UGGT1: variants seen among roughly 807,000 people sequenced by gnomAD.
UGGT1 encodes the protein UDP-glucose:glycoprotein glucosyltransferase 1.
Under a neutral mutation model 203.9 loss-of-function variants are expected in UGGT1, and 107 were observed. The observed-to-expected ratio is 0.52, with a 90% CI of 0.45 to 0.62. The LOEUF (loss-of-function observed/expected upper bound fraction) is 0.62. Among genes scored for constraint, UGGT1 ranks in the 20% least tolerant of loss-of-function variants. The pLI is 0.00. For synonymous variants in UGGT1, 628 were observed against 653.5 expected, an observed-to-expected ratio of 0.96 and a Z score of 0.59; for missense variants, 1,673 against 1,867.2, an observed-to-expected ratio of 0.90 and a Z score of 1.92.
chr2:128,134,849 A>C, intron 14 of UGGT1, 27 bp from the exon 15 acceptor site: 2 of 1,599,096 alleles, frequency 1.3e-6, no homozygotes, highest in Non-Finnish European at 1.7e-6. Context: ...ATGTCATTTC[A>C]TGTGTTCTTT....
chr2:128,133,269 A>C lies in UGGT1; in HGVS notation c.1497+9A>C, dbSNP rs1558779697. On this transcript the variant is annotated intron_variant, in intron 14 of 40. Coordinates refer to ENST00000259253, the MANE Select transcript of UGGT1 (RefSeq NM_020120.4). Reference sequence around the variant, plus strand: ...AAAACTTACATAATATGGTAAGTAAAACTTATTGTCTGGCTGTGAACTCTG... The same window carrying C: ...AAAACTTACATAATATGGTAAGTAACACTTATTGTCTGGCTGTGAACTCTG... 6.2e-7 allele frequency: 1 copy of C among 1,610,874 alleles called. No homozygotes were observed. Among genetic ancestry groups the C allele is most frequent in the Non-Finnish European group, 8.5e-7 (1 of 1,179,010 alleles).
chr2:128,135,018 T>C (rs964367540), intron 15 of UGGT1, 57 bp downstream of exon 15: 1 of 1,455,232 alleles, frequency 6.9e-7, no homozygotes, highest in African/African-American at 1.4e-5. Flanking sequence ...TTATTTGTCA[T>C]TTTTAAATGC....
intron 2 of UGGT1, among the ~76,000 whole-genome samples, chr2:128,099,257 C>T (rs1687257622): frequency 6.6e-6 from 1 of 152,106 alleles, no homozygotes; most frequent in Non-Finnish European, 1.5e-5. Flanking sequence ...CATCCTCCCA[C>T]CTAGGCCTCC....
At chr2:128,108,670 C>G (rs1346666752) in intron 4 of UGGT1, among the ~76,000 whole-genome samples, 3 of 28,112 alleles carry the variant, frequency 1.1e-4, no homozygotes, top group Admixed American at 5.0e-4. Flanking sequence ...TGGAAAAACT[C>G]CTCACAAAAA....
Position 128,145,971 on chromosome 2 carries a change from A to G in UGGT1, c.2016+4A>G, listed in dbSNP as rs1298506173. On this transcript the variant is annotated splice_donor_region_variant and intron_variant, in intron 18 of 40. Coordinates refer to ENST00000259253, the MANE Select transcript of UGGT1 (RefSeq NM_020120.4). ...CTTCCAAAGAGCGGTGTACTTGGTG[A>G]GTCACGTTTCAAGGCTGATTTTTTA... 15 of 1,613,724 alleles carry G rather than the reference A, an allele frequency of 9.3e-6. No homozygotes were observed. The highest frequency in any genetic ancestry group is 1.1e-5 in the Non-Finnish European group (13 of 1,179,964).
At chr2:128,183,937 T>TGTGTGTGTGTGAGA (rs151153786) in intron 38 of UGGT1, 148 bp downstream of exon 38, 201 of 328,492 alleles carry the variant, frequency 6.1e-4, no homozygotes, top group Middle Eastern at 2.3e-3. Context: ...TGTGTGTGTG[T>TGTGTGTGTGTGAGA]GAGAGAGAGA....
chr2:128,172,851 T>A, intron 29 of UGGT1, 89 bp downstream of exon 29: 1 of 1,207,318 alleles, frequency 8.3e-7, no homozygotes, highest in South Asian at 1.5e-5. Context: ...GAGACATCAG[T>A]GTTCAGGTAT....
rs1382711586 is a variant in UGGT1, at chr2:128,189,886, A to C, written c.*144A>C. 2.3e-6 allele frequency: 2 copies of C among 858,592 alleles called. No homozygotes were observed. Among genetic ancestry groups the C allele is most frequent in the Non-Finnish European group, 3.6e-6 (2 of 552,512 alleles). The allele number at this position is 858,592 out of a possible 1,614,324, so 53.2% of individuals were successfully genotyped here. ...TTTTGATTCTGAGCATTTGATTCTG[A>C]CTTCTGTACTCTGGTGGCCACTGGA... is the stretch of plus-strand genomic sequence containing the variant. On this transcript the variant is annotated 3_prime_UTR_variant, in exon 41 of 41. Transcript: ENST00000259253.
intron 38 of UGGT1, 112 bp from the exon 39 acceptor site, chr2:128,186,571 C>G (rs987500206): frequency 1.3e-6 from 1 of 769,426 alleles, no homozygotes; most frequent in East Asian, 3.0e-5. Context: ...CGTACTACTG[C>G]ACTCCAACCT....
intron 22 of UGGT1, 127 bp from the exon 23 acceptor site, chr2:128,159,387 C>G (rs1389559228): frequency 1.1e-6 from 1 of 892,358 alleles, no homozygotes; most frequent in Non-Finnish European, 1.7e-6. Context: ...GCATGAGCCA[C>G]TGCGCCCGGC....
chr2:128,136,563 A>G (rs577150320), intron 15 of UGGT1, among the ~76,000 whole-genome samples: 1 of 152,270 alleles, frequency 6.6e-6, no homozygotes, highest in South Asian at 2.1e-4. Context: ...TTATCACTGG[A>G]TAATAGTCAT....
At chr2:128,183,954 G>A (rs1168398245) in intron 38 of UGGT1, among the ~76,000 whole-genome samples, 165 bp downstream of exon 38, 1 of 151,798 alleles carries the variant, frequency 6.6e-6, no homozygotes, top group Non-Finnish European at 1.5e-5. Flanking sequence ...GAGAGAGAGA[G>A]AGAGAGATTT....
At position 128,182,096 on chromosome 2, in the gene UGGT1, G is replaced by T. The variant is rs761482761; in HGVS notation, c.4084-34G>T. 8.1e-6 allele frequency: 13 copies of T among 1,605,292 alleles called. No homozygotes were observed. In the South Asian group the frequency reaches 1.2e-4, roughly 15 times the overall value. ...GAAACCGCATTAGAGCTGTCTGCAT[G>T]GTTGCTTAACAAATGACTTTTTATA... On this transcript the variant is annotated intron_variant, in intron 36 of 40. Transcript: ENST00000259253.
intron 38 of UGGT1, among the ~76,000 whole-genome samples, chr2:128,184,080 G>A (rs1356893560): frequency 2.0e-5 from 3 of 152,194 alleles, no homozygotes; most frequent in Admixed American, 6.5e-5. Context: ...TTTGTATTTT[G>A]TACTCAAACT....
chr2:128,112,864 T>C (rs1477172547), intron 5 of UGGT1, among the ~76,000 whole-genome samples: 6 of 152,140 alleles, frequency 3.9e-5, no homozygotes, highest in African/African-American at 1.4e-4. Context: ...ATAGTTAGTA[T>C]TTTTTATAAT....
chr2:128,175,198 C>T (rs1691312379), intron 31 of UGGT1, among the ~76,000 whole-genome samples: 1 of 152,090 alleles, frequency 6.6e-6, no homozygotes, highest in African/African-American at 2.4e-5. Context: ...GAAAGAACAG[C>T]CACACTTTTC....
intron 8 of UGGT1, among the ~76,000 whole-genome samples, chr2:128,116,546 A>G (rs1688110329): frequency 6.6e-6 from 1 of 150,922 alleles, no homozygotes; most frequent in South Asian, 2.1e-4. Flanking sequence ...TTTTTTTTGG[A>G]GACAGGGTCT....
chr2:128,143,715 A>G (rs1689548387), intron 17 of UGGT1, among the ~76,000 whole-genome samples: 1 of 152,166 alleles, frequency 6.6e-6, no homozygotes, highest in Non-Finnish European at 1.5e-5. Flanking sequence ...CAAACAGGTC[A>G]TATTATTTAT....
At chr2:128,155,438 A>G in intron 19 of UGGT1, 51 bp from the exon 20 acceptor site, 1 of 1,343,882 alleles carries the variant, frequency 7.4e-7, no homozygotes, top group Non-Finnish European at 1.1e-6. Flanking sequence ...TTGAATATTA[A>G]GAATAGATTG....
Sources: gnomAD v4.1 joint callset for allele counts (sites outside exome capture counted in the v4.1 genomes callset) on GRCh38, gnomAD v4.1.1 for gene constraint, MANE v1.5 for transcripts, NCBI Gene and HGNC (gene_info 2026-07-23, HGNC 2026-07-21) for gene names.